The following IQCH variants were observed in gnomAD, a reference collection of about 807,000 sequenced individuals.
IQCH encodes IQ domain-containing protein H.
Under a neutral mutation model 117.0 loss-of-function variants are expected in IQCH, and 98 were observed. The ratio of observed to expected loss-of-function variants is 0.84; its 90% CI spans 0.71 to 0.99. IQCH has a LOEUF of 0.99. Ranked by LOEUF, IQCH falls within the 50% of genes least tolerant of loss-of-function variation. IQCH has a pLI of 0.00. For synonymous variants in IQCH, 412 were observed against 448.2 expected (o/e 0.92, Z 1.02); for missense variants, 1,102 against 1,243.8 (o/e 0.89, Z 1.72).
rs1479187533 is a variant in IQCH at position 67,427,829 on chromosome 15, A to T, written c.2505+6252A>T. ...CAAGTAGTCTAAATTCCAATAATAG[A>T]TTTTTTTTTTTTTTTTTGAAGCAGA... On this transcript the variant is annotated intron_variant, in intron 16 of 20. Coordinates refer to ENST00000335894, the MANE Select transcript of IQCH (RefSeq NM_001031715.3). This position sits in a 1 kb window ranked among gnomAD's most constrained non-coding sequence, Gnocchi z 4.7. Among the ~76,000 whole-genome samples the T allele has an allele frequency of 1.4e-5, 2 of 141,688 alleles. No homozygotes were observed. The highest frequency in any genetic ancestry group is 2.6e-5 in the African/African-American group (1 of 38,728). 93.0% of individuals were successfully genotyped at this position (141,688 alleles called of 152,430 possible).
chr15:67,347,608 T>A (rs1969453761), intron 6 of IQCH, among the ~76,000 whole-genome samples: 1 of 151,584 alleles, frequency 6.6e-6, no homozygotes, highest in South Asian at 2.1e-4. Context: ...GAAAGAAATA[T>A]TATCAATGTT....
At chr15:67,307,055 C>G (rs1967333312) in intron 4 of IQCH, 1 of 1,285,904 alleles carries the variant, frequency 7.8e-7, no homozygotes, top group Non-Finnish European at 9.8e-7. Flanking sequence ...ACAAAATAGC[C>G]AAACCAAACA....
chr15:67,264,178 T>TA (rs1381941767), intron 3 of IQCH, among the ~76,000 whole-genome samples: 1 of 152,260 alleles, frequency 6.6e-6, no homozygotes, highest in Non-Finnish European at 1.5e-5. Flanking sequence ...AGCCCTTTCC[T>TA]GGTCTTCCTA....
chr15:67,294,344 A>G (rs1017537638), intron 4 of IQCH, among the ~76,000 whole-genome samples: 2 of 152,164 alleles, frequency 1.3e-5, no homozygotes, highest in African/African-American at 2.4e-5. Context: ...TTCCTTGCCT[A>G]TATTACTAAC....
chr15:67,494,105 T>C lies in IQCH; in HGVS notation c.2862-153T>C, dbSNP rs2083738919. 6.6e-6 allele frequency among the ~76,000 whole-genome samples: 1 copy of C among 152,232 alleles called. No individual in the cohort carries two copies. On this transcript the variant is annotated intron_variant, in intron 19 of 20. Transcript: ENST00000335894. The surrounding 1 kb of genome is among the most constrained non-coding windows in gnomAD (Gnocchi z 5.5). The stretch of plus-strand genomic sequence containing the variant: ...TTTGTTGACAAGTTAAAATGGAGTC[T>C]CATCTTTCATATCTCCCTGAAGATT...
At chr15:67,309,870 C>A (rs1967498579) in intron 4 of IQCH, among the ~76,000 whole-genome samples, 1 of 150,274 alleles carries the variant, frequency 6.7e-6, no homozygotes, top group African/African-American at 2.5e-5. Context: ...CATTTCAGAT[C>A]CGGTGTTCCC....
At chr15:67,488,969 A>G (rs1462745069) in intron 18 of IQCH, among the ~76,000 whole-genome samples, 1 of 152,124 alleles carries the variant, frequency 6.6e-6, no homozygotes, top group African/African-American at 2.4e-5. Context: ...GCTATAGACA[A>G]CACAGTTTCC....
At chr15:67,349,637 G>A (rs1169360764) in intron 6 of IQCH, among the ~76,000 whole-genome samples, 2 of 144,154 alleles carry the variant, frequency 1.4e-5, no homozygotes, top group African/African-American at 5.1e-5. Context: ...AGAAAGAAAA[G>A]CTATAGATTG....
At chr15:67,281,455 G>A (rs1966352887) in intron 4 of IQCH, 2 of 312,874 alleles carry the variant, frequency 6.4e-6, no homozygotes, top group Non-Finnish European at 6.4e-6. Flanking sequence ...GCCAAAACCA[G>A]GTTATGTTTA....
At chr15:67,261,153 A>G in intron 1 of IQCH, 119 bp from the exon 2 acceptor site, 5 of 656,788 alleles carry the variant, frequency 7.6e-6, no homozygotes, top group African/African-American at 1.9e-5. Context: ...AATGAATACC[A>G]TAAAATCAGC....
At chr15:67,268,274 C>G (rs573751419) in intron 3 of IQCH, among the ~76,000 whole-genome samples, 2 of 152,340 alleles carry the variant, frequency 1.3e-5, no homozygotes, top group Non-Finnish European at 1.5e-5. Context: ...ATGCAAGATT[C>G]TCCTAGCAGT....
intron 16 of IQCH, among the ~76,000 whole-genome samples, chr15:67,446,113 T>C (rs1017311515): frequency 3.3e-5 from 5 of 152,254 alleles, no homozygotes; most frequent in Non-Finnish European, 7.3e-5. Context: ...GTGAAACTTC[T>C]ATTCATATGA....
chr15:67,352,302 T>C (rs1969696862), intron 6 of IQCH, among the ~76,000 whole-genome samples: 2 of 152,154 alleles, frequency 1.3e-5, no homozygotes, highest in African/African-American at 4.8e-5. Context: ...GTATTTTAGT[T>C]GTATCTTTTT....
rs1473432432 is a variant in IQCH, at chr15:67,403,508, C to G, written c.2097+3203C>G. Reference sequence around the variant, plus strand: ...TGGTACCAAGCCTATTCTCTTCATCCTACCAGCTAACAAAACCTACTTCCC... The same window carrying G: ...TGGTACCAAGCCTATTCTCTTCATCGTACCAGCTAACAAAACCTACTTCCC... On this transcript the variant is annotated intron_variant, in intron 14 of 20. Transcript: ENST00000335894. The surrounding 1 kb of genome is among the most constrained non-coding windows in gnomAD (Gnocchi z 4.8). 6.6e-6 allele frequency: 1 copy of G among 152,150 alleles called. No individual in the cohort carries two copies. The highest frequency in any genetic ancestry group is 1.5e-5 in the Non-Finnish European group (1 of 68,040). 9.4% of individuals were successfully genotyped at this position (152,150 alleles called of 1,614,324 possible). A position where few individuals can be genotyped will look rare whatever the true frequency, so the allele number is the denominator to read the frequency against.
rs1304874220 is a variant in IQCH, at chr15:67,365,446, T to C, written c.753+5561T>C. ...TTCATACATTCATTCATTCAACTAA[T>C]CCTTTTTGACCTTTACCGTGTGCCA... is the stretch of plus-strand genomic sequence containing the variant. On this transcript the variant is annotated intron_variant, in intron 8 of 20. Coordinates refer to ENST00000335894, the MANE Select transcript of IQCH (RefSeq NM_001031715.3). This position sits in a 1 kb window ranked among gnomAD's most constrained non-coding sequence, Gnocchi z 4.4. 2.6e-5 allele frequency among the ~76,000 whole-genome samples: 4 copies of C among 152,154 alleles called. No individual in the cohort carries two copies. Among genetic ancestry groups the C allele is most frequent in the African/African-American group, 9.7e-5 (4 of 41,436 alleles).
intron 8 of IQCH, 126 bp from the exon 9 acceptor site, chr15:67,371,985 C>A: frequency 1.3e-6 from 1 of 797,464 alleles, no homozygotes; most frequent in Non-Finnish European, 1.9e-6. Context: ...TGTGTTAAAT[C>A]AGTGCTAGGA....
intron 4 of IQCH, among the ~76,000 whole-genome samples, chr15:67,327,688 C>T (rs1309528834): frequency 6.6e-6 from 1 of 152,172 alleles, no homozygotes. Context: ...GATTCAAACT[C>T]CAGACTCTAT....
rs991509522 is a variant in IQCH at position 67,380,420 on chromosome 15, A to C, written c.1373-4516A>C. On this transcript the variant is annotated intron_variant, in intron 10 of 20. Transcript: ENST00000335894. ...TTAGTTTTATTTTAATCTAACTGGC[A>C]ATTGATATACTATATAAATAACCCA... 2.0e-5 allele frequency among the ~76,000 whole-genome samples: 3 copies of C among 152,234 alleles called. No homozygotes were observed. The East Asian group carries it at 5.8e-4, about 29-fold the overall frequency.
At position 67,467,796 on chromosome 15, in the gene IQCH, A is replaced by G. The variant is rs181917686; in HGVS notation, c.2676+2499A>G. On this transcript the variant is annotated intron_variant, in intron 17 of 20. Transcript: ENST00000335894. This position sits in a 1 kb window ranked among gnomAD's most constrained non-coding sequence, Gnocchi z 5.7. Reference sequence around the variant, plus strand: ...CCCCCTTTGAAGACTGAAGGAGAAGAAAATGCACAGATGAAACCACAATGA... The same window carrying G: ...CCCCCTTTGAAGACTGAAGGAGAAGGAAATGCACAGATGAAACCACAATGA... 5.3e-5 allele frequency among the ~76,000 whole-genome samples: 8 copies of G among 152,370 alleles called. No individual in the cohort carries two copies. The highest frequency in any genetic ancestry group is 5.2e-4 in the Admixed American group (8 of 15,308).
Sources: allele counts gnomAD v4.1 joint callset (sites outside exome capture counted in the v4.1 genomes callset), GRCh38; gene constraint gnomAD v4.1.1; non-coding constraint Gnocchi (gnomAD v3.1); transcripts MANE v1.5; gene names NCBI Gene and HGNC (gene_info 2026-07-23, HGNC 2026-07-21).